Variants in MED24 observed in about 807,000 individuals in gnomAD.
MED24 encodes mediator complex subunit 24.
MED24 carries 74 observed loss-of-function variants against 118.8 expected under a neutral mutation model. The ratio of observed to expected loss-of-function variants is 0.62; its 90% CI spans 0.52 to 0.76. The LOEUF (loss-of-function observed/expected upper bound fraction) is 0.76, where lower values mean the gene tolerates loss of function less well. MED24 is among the 30% of genes least tolerant of loss of function. The pLI is 0.00. For synonymous variants in MED24, 521 were observed against 523.9 expected, an observed-to-expected ratio of 0.99 and a Z score of 0.08; for missense variants, 1,041 against 1,278.9, an observed-to-expected ratio of 0.81 and a Z score of 2.84.
At chr17:40,037,471 A>G (rs1984076191) in intron 3 of MED24, among the ~76,000 whole-genome samples, 3 of 152,104 alleles carry the variant, frequency 2.0e-5, no homozygotes, top group Admixed American at 2.0e-4. Flanking sequence ...GCTTTTACTC[A>G]GTGACCACCA....
chr17:40,031,518 GT>G lies in MED24; in HGVS notation c.1067+19del. ...CAGAACGCCTTCCAGTAGGGCGGGG[GT>G]GACCAGGGGAGCTCATACTTGCAGC... On this transcript the variant is annotated intron_variant, in intron 11 of 25. Coordinates refer to ENST00000394128, the MANE Select transcript of MED24 (RefSeq NM_014815.4). 3 of 1,608,298 alleles carry G rather than the reference GT, an allele frequency of 1.9e-6. No homozygotes were observed. Among genetic ancestry groups the G allele is most frequent in the Non-Finnish European group, 2.6e-6 (3 of 1,174,918 alleles).
Position 40,053,377 on chromosome 17 carries a change from G to A in MED24, c.134C>T (p.Ala45Val), listed in dbSNP as rs759592559. 3 of 1,613,068 alleles carry A rather than the reference G, an allele frequency of 1.9e-6. No homozygotes were observed. The highest frequency in any genetic ancestry group is 2.5e-6 in the Non-Finnish European group (3 of 1,179,342). Reference protein sequence around the residue: ...ATWDILNLADALLEQAMIGPS... With the variant: ...ATWDILNLADVLLEQAMIGPS... ...TCCAATCATGGCCTGCTCTAGTAACGCATCTGCAAGAGGAATAGCAAAACA... is the reference window on the plus strand; with the variant it reads ...TCCAATCATGGCCTGCTCTAGTAACACATCTGCAAGAGGAATAGCAAAACA... The change falls in exon 3 of 26, where the codon GCG becomes GTG. Residue 45 changes from alanine (A) to valine (V), a missense_variant. This residue lies in a region of MED24 where 434 missense variants were observed against 514.9 expected (regional missense o/e 0.84). Transcript: ENST00000394128.
At chr17:40,025,230 C>A (rs1982504452) in intron 19 of MED24, among the ~76,000 whole-genome samples, 1 of 152,022 alleles carries the variant, frequency 6.6e-6, no homozygotes, top group South Asian at 2.1e-4. Context: ...CCTGTAATCC[C>A]AGCACTTTGG....
rs752081901 is a variant in MED24, at chr17:40,053,299, T to C, written c.212A>G (p.Gln71Arg). 1.2e-6 allele frequency: 2 copies of C among 1,602,810 alleles called. No individual in the cohort carries two copies. Among genetic ancestry groups the C allele is most frequent in the Non-Finnish European group, 1.7e-6 (2 of 1,174,300 alleles). ...GGTGGGGGTTTGCGGGAAGCTTACC[T>C]GGGAACTAATGGCATACTTCAGGTA... ...LSYLKYAISS[Q>R]MVSYSSVLTA... Residue 71 changes from glutamine (Q) to arginine (R), a missense_variant and splice_region_variant, in exon 3 of 26, where the codon CAG becomes CGG. This residue lies in a region of MED24 where 434 missense variants were observed against 514.9 expected (regional missense o/e 0.84). Transcript: ENST00000394128.
chr17:40,020,126 G>T, intron 24 of MED24, 147 bp downstream of exon 24: 1 of 1,020,856 alleles, frequency 9.8e-7, no homozygotes, highest in Non-Finnish European at 1.4e-6. Flanking sequence ...GAGCCTGGGG[G>T]CCAGGACAGC....
chr17:40,046,068 C>T (rs1439268654), intron 3 of MED24, among the ~76,000 whole-genome samples: 2 of 150,366 alleles, frequency 1.3e-5, no homozygotes, highest in East Asian at 3.9e-4. Flanking sequence ...TGAGCCATCA[C>T]GCCCAGCCTC....
intron 3 of MED24, among the ~76,000 whole-genome samples, chr17:40,045,393 G>A (rs1255673146): frequency 6.6e-6 from 1 of 152,006 alleles, no homozygotes; most frequent in East Asian, 1.9e-4. Context: ...GACAGGAGGA[G>A]GTTGCAGTGA....
intron 19 of MED24, 34 bp from the exon 20 acceptor site, chr17:40,023,429 T>C (rs1982275940): frequency 6.4e-7 from 1 of 1,554,642 alleles, no homozygotes; most frequent in Admixed American, 1.8e-5. Flanking sequence ...GAGGCTCAGG[T>C]GCCACTGTAG....
At position 40,026,636 on chromosome 17, in the gene MED24, G is replaced by A. The variant is rs1209457211; in HGVS notation, c.1809+11C>T. On this transcript the variant is annotated intron_variant, in intron 18 of 25. Coordinates refer to ENST00000394128, the MANE Select transcript of MED24 (RefSeq NM_014815.4). ...TCAGGGGAGCAAACGCTGCTGGGAA[G>A]GCGGGGCTACCTGGATGGACTCGAA... 1 of 1,598,506 alleles carries A rather than the reference G, an allele frequency of 6.3e-7. No homozygotes were observed. Among genetic ancestry groups the A allele is most frequent in the African/African-American group, 1.3e-5 (1 of 74,774 alleles).
chr17:40,029,496 G>A (rs1353955536), intron 13 of MED24, among the ~76,000 whole-genome samples: 2 of 152,226 alleles, frequency 1.3e-5, no homozygotes, highest in Middle Eastern at 3.4e-3. Flanking sequence ...CCGCACCCAC[G>A]TCTCTGTTGT....
Position 40,019,819 on chromosome 17 carries a change from C to A in MED24, c.2819G>T (p.Arg940Leu). 6.2e-7 allele frequency: 1 copy of A among 1,605,686 alleles called. No individual in the cohort carries two copies. The highest frequency in any genetic ancestry group is 8.5e-7 in the Non-Finnish European group (1 of 1,175,848). ...ECVDCLEQGG[R>L]GSVLQFMPFT... The stretch of plus-strand genomic sequence containing the variant: ...GGGCATGAACTGCAGGACGCTGCCA[C>A]GGCCACCCTGCTCCAGGCAGTCCAC... Residue 940 changes from arginine (R) to leucine (L), a missense_variant, in exon 25 of 26, where the codon CGT (arginine) becomes CTT (leucine). This residue lies in a region of MED24 where 587 missense variants were observed against 694.4 expected (regional missense o/e 0.85). Coordinates refer to ENST00000394128, the MANE Select transcript of MED24 (RefSeq NM_014815.4).
rs1237333532 is a variant in MED24, at chr17:40,019,209, C to CACAT, written c.*319_*320insATGT. 588 of 354,594 alleles carry CACAT rather than the reference C, an allele frequency of 1.7e-3. 2 individuals are homozygous for CACAT. Among genetic ancestry groups the CACAT allele is most frequent in the Middle Eastern group, 4.1e-3 (5 of 1,222 alleles). The allele number at this position is 354,594 out of a possible 1,614,324, so 22.0% of individuals were successfully genotyped here. A position where few individuals can be genotyped will look rare whatever the true frequency, so the allele number is the denominator to read the frequency against. ...ACACACACACACACACACACATACA[C>CACAT]ACTTTGCATCTAGAAAGTTCCTCAG... On this transcript the variant is annotated 3_prime_UTR_variant, in exon 26 of 26. Transcript: ENST00000394128.
intron 3 of MED24, among the ~76,000 whole-genome samples, chr17:40,038,258 T>C (rs1984173087): frequency 6.6e-6 from 1 of 152,190 alleles, no homozygotes; most frequent in South Asian, 2.1e-4. Flanking sequence ...CAGGAAGTTT[T>C]TATTGCTTTG....
chr17:40,036,413 G>C (rs1463735144), intron 3 of MED24, among the ~76,000 whole-genome samples: 1 of 152,168 alleles, frequency 6.6e-6, no homozygotes, highest in Non-Finnish European at 1.5e-5. Flanking sequence ...GTTTCAGGCC[G>C]AGCATGGTGG....
intron 14 of MED24, 82 bp from the exon 15 acceptor site, chr17:40,028,028 A>G: frequency 7.3e-7 from 1 of 1,368,722 alleles, no homozygotes; most frequent in Non-Finnish European, 1.0e-6. Context: ...ATGTTCAGAG[A>G]GCGATAGCTA....
chr17:40,050,481 T>C (rs1985721612), intron 3 of MED24, among the ~76,000 whole-genome samples: 1 of 151,980 alleles, frequency 6.6e-6, no homozygotes, highest in African/African-American at 2.4e-5. Flanking sequence ...CAGTAGAAAT[T>C]GTACTTCAAG....
In MED24 at chr17:40,051,780, G is replaced by A. The variant is rs187987918; in HGVS notation, c.213+1518C>T. Among the ~76,000 whole-genome samples, 783 of 151,132 alleles carry A rather than the reference G, an allele frequency of 5.2e-3. 5 individuals are homozygous for A. Among genetic ancestry groups the A allele is most frequent in the African/African-American group, 0.018 (743 of 41,142 alleles). Reference sequence around the variant, plus strand: ...TCTACTAAAAATACAAAAATTAGCCGGGTGTGGTGGCAGACGCCTGTAATC... The same window carrying A: ...TCTACTAAAAATACAAAAATTAGCCAGGTGTGGTGGCAGACGCCTGTAATC... On this transcript the variant is annotated intron_variant, in intron 3 of 25. Transcript: ENST00000394128.
At chr17:40,051,051 G>A (rs1567639668) in intron 3 of MED24, among the ~76,000 whole-genome samples, 1 of 148,622 alleles carries the variant, frequency 6.7e-6, no homozygotes, top group Non-Finnish European at 1.5e-5. Context: ...CAGGAGAATC[G>A]CTTGAACCTG....
chr17:40,035,482 G>T (rs530510413), intron 5 of MED24, 133 bp from the exon 6 acceptor site: 2 of 1,064,684 alleles, frequency 1.9e-6, no homozygotes, highest in South Asian at 1.7e-5. Context: ...TCCTGGGGAA[G>T]ATGCTTAGCC....
Sources: gnomAD v4.1 joint callset for allele counts (sites outside exome capture counted in the v4.1 genomes callset) on GRCh38, gnomAD v4.1.1 for gene constraint, gnomAD v4.1.1 regional missense constraint, MANE v1.5 for transcripts, NCBI Gene and HGNC (gene_info 2026-07-23, HGNC 2026-07-21) for gene names.